TSPAN18: variants seen among roughly 807,000 people sequenced by gnomAD.
TSPAN18 encodes tetraspanin 18.
In TSPAN18, 14 loss-of-function variants were observed where a neutral mutation model predicts 27.3. The ratio of observed to expected loss-of-function variants is 0.51; its 90% confidence interval spans 0.34 to 0.80. TSPAN18 has a LOEUF of 0.80. Among genes scored for constraint, TSPAN18 ranks in the 30% least tolerant of loss-of-function variants. The pLI, the probability that TSPAN18 is intolerant of heterozygous loss-of-function variation, is 0.01. For synonymous variants in TSPAN18, 143 were observed against 136.5 expected (o/e 1.05, Z -0.33); for missense variants, 268 against 323.9 (o/e 0.83, Z 1.32).
chr11:44,903,201 G>A (rs1348982901), intron 3 of TSPAN18, among the ~76,000 whole-genome samples: 3 of 152,084 alleles, frequency 2.0e-5, no homozygotes, highest in Non-Finnish European at 2.9e-5. Context: ...GGGGGCAGGA[G>A]GGGGGAATCA....
At chr11:44,902,227 A>G (rs554563490) in intron 3 of TSPAN18, among the ~76,000 whole-genome samples, 2 of 152,300 alleles carry the variant, frequency 1.3e-5, no homozygotes, top group African/African-American at 4.8e-5. Context: ...AGCCCTTTAC[A>G]CTGGATGTTT....
intron 3 of TSPAN18, among the ~76,000 whole-genome samples, chr11:44,905,376 C>G (rs374348565): frequency 2.6e-5 from 4 of 152,270 alleles, no homozygotes; most frequent in Middle Eastern, 3.4e-3. Flanking sequence ...CCTGCAGTGC[C>G]GGCAGCTCAG....
At chr11:44,823,920 C>T (rs949961247) in intron 2 of TSPAN18, among the ~76,000 whole-genome samples, 1 of 152,226 alleles carries the variant, frequency 6.6e-6, no homozygotes, top group Non-Finnish European at 1.5e-5. Flanking sequence ...GAACTGGGCA[C>T]CACTCATACC....
At chr11:44,882,155 C>G (rs1002364070) in intron 3 of TSPAN18, among the ~76,000 whole-genome samples, 15 of 152,168 alleles carry the variant, frequency 9.9e-5, no homozygotes, top group Admixed American at 6.5e-5. Flanking sequence ...GGGATAGGGT[C>G]AGATCAGACC....
intron 2 of TSPAN18, among the ~76,000 whole-genome samples, chr11:44,783,953 A>G (rs945776276): frequency 6.6e-6 from 1 of 152,136 alleles, no homozygotes; most frequent in Non-Finnish European, 1.5e-5. Context: ...TGTTTCTTCC[A>G]AAGGAAAACC....
chr11:44,915,573 A>C (rs185466884), intron 5 of TSPAN18, among the ~76,000 whole-genome samples: 2 of 152,076 alleles, frequency 1.3e-5, no homozygotes, highest in African/African-American at 4.8e-5. Context: ...CCTCATCCAG[A>C]TGTGCCAGCA....
intron 2 of TSPAN18, among the ~76,000 whole-genome samples, chr11:44,825,945 T>G (rs532003885): frequency 6.6e-6 from 1 of 152,194 alleles, no homozygotes; most frequent in African/African-American, 2.4e-5. Context: ...TCTTTCTGAC[T>G]GTGGGCCTCA....
chr11:44,911,350 T>G (rs1312038467), intron 5 of TSPAN18, among the ~76,000 whole-genome samples: 1 of 152,030 alleles, frequency 6.6e-6, no homozygotes, highest in African/African-American at 2.4e-5. Context: ...GAGAGCACAC[T>G]GCACGGCCCC....
At chr11:44,789,015 G>A (rs1856128385) in intron 2 of TSPAN18, among the ~76,000 whole-genome samples, 1 of 152,214 alleles carries the variant, frequency 6.6e-6, no homozygotes, top group Non-Finnish European at 1.5e-5. Flanking sequence ...AAGCAACGCA[G>A]GCACGTGTGT....
chr11:44,755,952 A>G (rs1378731167), intron 1 of TSPAN18, among the ~76,000 whole-genome samples: 1 of 152,030 alleles, frequency 6.6e-6, no homozygotes, highest in Non-Finnish European at 1.5e-5. Flanking sequence ...CAGAGAGAGA[A>G]ATGGAGAGAG....
chr11:44,747,734 A>T (rs1367089637), intron 1 of TSPAN18, among the ~76,000 whole-genome samples: 1 of 150,620 alleles, frequency 6.6e-6, no homozygotes. Context: ...TCACTCCTGC[A>T]CTCATCTCCT....
In TSPAN18 at chr11:44,745,166, G is replaced by A. The variant is rs565752494; in HGVS notation, c.-240+17879G>A. On this transcript the variant is annotated intron_variant, in intron 1 of 9. Transcript: ENST00000520358. ...CAAAATAATCATAAAATAATCATGC[G>A]TGGGCATCTTTCTTCTTCAGGAAGT... Among the ~76,000 whole-genome samples the A allele has an allele frequency of 5.3e-5, 8 of 152,300 alleles. No homozygotes were observed. The South Asian group carries it at 8.3e-4, about 16-fold the overall frequency.
chr11:44,839,852 T>C (rs1857335965), intron 2 of TSPAN18, among the ~76,000 whole-genome samples: 1 of 151,988 alleles, frequency 6.6e-6, no homozygotes, highest in Non-Finnish European at 1.5e-5. Context: ...ACTTGTTGAT[T>C]CCCCGGTGCT....
intron 2 of TSPAN18, among the ~76,000 whole-genome samples, chr11:44,796,690 C>T (rs1469564844): frequency 1.3e-5 from 2 of 152,146 alleles, no homozygotes; most frequent in African/African-American, 4.8e-5. Context: ...TAGCCTCAGT[C>T]ACACAGCAAC....
intron 3 of TSPAN18, among the ~76,000 whole-genome samples, chr11:44,867,112 T>G (rs1858058595): frequency 1.3e-5 from 2 of 152,146 alleles, no homozygotes; most frequent in South Asian, 4.1e-4. Flanking sequence ...AACATGATCC[T>G]CAGACCAGCA....
intron 1 of TSPAN18, among the ~76,000 whole-genome samples, chr11:44,730,563 G>T (rs1420911365): frequency 6.6e-6 from 1 of 152,088 alleles, no homozygotes; most frequent in Non-Finnish European, 1.5e-5. Context: ...TGCCACCCGG[G>T]CTGGCACCTT....
intron 3 of TSPAN18, among the ~76,000 whole-genome samples, chr11:44,882,210 G>A (rs1324672178): frequency 2.6e-5 from 4 of 152,134 alleles, no homozygotes; most frequent in African/African-American, 4.8e-5. Context: ...CCCTAGAAGC[G>A]CAGCATCCAT....
At chr11:44,913,792 C>T (rs1859809181) in intron 5 of TSPAN18, among the ~76,000 whole-genome samples, 1 of 152,218 alleles carries the variant, frequency 6.6e-6, no homozygotes, top group African/African-American at 2.4e-5. Flanking sequence ...ATTAGAGGAT[C>T]AGGAATGGCT....
chr11:44,920,578 C>T (rs1002342485), intron 8 of TSPAN18, among the ~76,000 whole-genome samples: 3 of 152,198 alleles, frequency 2.0e-5, no homozygotes, highest in Non-Finnish European at 2.9e-5. Flanking sequence ...TTGTGTGCCT[C>T]CTGCCCACAC....
Sources: allele counts gnomAD v4.1 joint callset (sites outside exome capture counted in the v4.1 genomes callset), GRCh38; gene constraint gnomAD v4.1.1; transcripts MANE v1.5; gene names NCBI Gene and HGNC (gene_info 2026-07-23, HGNC 2026-07-21).